Variants in DNAJC13 observed in about 807,000 individuals in gnomAD.
DNAJC13 encodes DnaJ heat shock protein family (Hsp40) member C13.
Under a neutral mutation model 290.5 loss-of-function variants are expected in DNAJC13, and 75 were observed. That is an observed-to-expected ratio of 0.26 (90% CI 0.21 to 0.31). The LOEUF (loss-of-function observed/expected upper bound fraction) is 0.31, where lower values mean the gene tolerates loss of function less well. Among genes scored for constraint, DNAJC13 ranks in the 10% least tolerant of loss-of-function variants. The pLI, the probability that DNAJC13 is intolerant of heterozygous loss-of-function variation, is 1.00. For missense variants in DNAJC13, 2,260 were observed against 2,674.5 expected (o/e 0.85, Z 3.42); for synonymous variants, 862 against 892.0 (o/e 0.97, Z 0.60).
intron 48 of DNAJC13, among the ~76,000 whole-genome samples, chr3:132,519,468 T>C (rs1221415626): frequency 6.6e-6 from 1 of 152,190 alleles, no homozygotes; most frequent in Non-Finnish European, 1.5e-5. Flanking sequence ...ATTTTTATTA[T>C]TGAGTTGTAA....
chr3:132,419,977 C>G (rs567920347), intron 1 of DNAJC13, among the ~76,000 whole-genome samples: 406 of 151,710 alleles, frequency 2.7e-3, no homozygotes, highest in African/African-American at 9.6e-3. Context: ...GCTCTCACTT[C>G]TGCAACAAAA....
chr3:132,453,588 AT>A lies in DNAJC13; in HGVS notation c.745-5del. ...TAACTTCTTAATATGTCTCAATTTT[AT>A]TTTTTGAAGGAGCCTGTTAAAAGAG... On this transcript the variant is annotated splice_polypyrimidine_tract_variant and intron_variant, in intron 7 of 55. Transcript: ENST00000260818. The A allele has an allele frequency of 6.2e-7, 1 of 1,606,922 alleles. No individual in the cohort carries two copies. The highest frequency in any genetic ancestry group is 8.5e-7 in the Non-Finnish European group (1 of 1,178,106).
intron 1 of DNAJC13, among the ~76,000 whole-genome samples, chr3:132,420,363 G>C (rs1251771789): frequency 6.6e-6 from 1 of 152,164 alleles, no homozygotes; most frequent in East Asian, 1.9e-4. Context: ...GGGTATCTCT[G>C]TTGGCCCCAT....
chr3:132,460,629 A>G (rs1334760143), intron 14 of DNAJC13, among the ~76,000 whole-genome samples: 2 of 152,200 alleles, frequency 1.3e-5, no homozygotes, highest in Non-Finnish European at 2.9e-5. Flanking sequence ...TCATTAGGAA[A>G]TAAACTGCTC....
intron 54 of DNAJC13, among the ~76,000 whole-genome samples, chr3:132,530,047 G>A (rs1304855640): frequency 6.6e-6 from 1 of 151,910 alleles, no homozygotes; most frequent in Non-Finnish European, 1.5e-5. Context: ...CTACACCCAA[G>A]GGAGGGGAGG....
At chr3:132,535,182 T>A (rs1936550675) in intron 55 of DNAJC13, among the ~76,000 whole-genome samples, 1 of 152,252 alleles carries the variant, frequency 6.6e-6, no homozygotes, top group African/African-American at 2.4e-5. Context: ...AGGAGTTAAT[T>A]ACTACTTCAA....
chr3:132,463,325 G>A (rs1369203506), intron 16 of DNAJC13, among the ~76,000 whole-genome samples: 1 of 152,254 alleles, frequency 6.6e-6, no homozygotes, highest in Admixed American at 6.5e-5. Flanking sequence ...TCTCCCTTTA[G>A]CTAATGGGTT....
chr3:132,418,629 C>T (rs6769343), intron 1 of DNAJC13, among the ~76,000 whole-genome samples: 31,281 of 152,044 alleles, frequency 0.21, 3,633 homozygotes, highest in African/African-American at 0.31. Context: ...TTCTGATTTC[C>T]CTCAAAAAGG....
intron 6 of DNAJC13, among the ~76,000 whole-genome samples, chr3:132,452,429 G>A (rs1351143747): frequency 1.3e-5 from 2 of 152,206 alleles, no homozygotes; most frequent in Admixed American, 1.3e-4. Flanking sequence ...TAAACACGAT[G>A]TGATCCAGTG....
At chr3:132,522,394 G>A (rs937640988) in intron 48 of DNAJC13, among the ~76,000 whole-genome samples, 1 of 152,158 alleles carries the variant, frequency 6.6e-6, no homozygotes, top group African/African-American at 2.4e-5. Flanking sequence ...GAAAATACTT[G>A]TAAGACAGAG....
chr3:132,454,191 G>GT, intron 9 of DNAJC13, 34 bp downstream of exon 9: 1 of 1,473,148 alleles, frequency 6.8e-7, no homozygotes, highest in Non-Finnish European at 9.3e-7. Context: ...TGAAATCCTA[G>GT]TTGTGCAAGG....
At chr3:132,427,696 A>C (rs915041976) in intron 1 of DNAJC13, among the ~76,000 whole-genome samples, 1 of 152,124 alleles carries the variant, frequency 6.6e-6, no homozygotes, top group Non-Finnish European at 1.5e-5. Flanking sequence ...ATTTAGAGAA[A>C]ATCAAGTAAT....
intron 1 of DNAJC13, among the ~76,000 whole-genome samples, chr3:132,429,886 A>T (rs1368146457): frequency 7.2e-5 from 11 of 152,142 alleles, no homozygotes; most frequent in Non-Finnish European, 8.8e-5. Context: ...CTTTTATTGG[A>T]TGCAGAGTAA....
intron 20 of DNAJC13, among the ~76,000 whole-genome samples, chr3:132,468,768 A>G (rs778773044): frequency 1.3e-5 from 2 of 152,182 alleles, no homozygotes; most frequent in Non-Finnish European, 2.9e-5. Flanking sequence ...TGAACAGTTG[A>G]AAAATCTACA....
chr3:132,520,236 T>C (rs1936049448), intron 48 of DNAJC13, among the ~76,000 whole-genome samples: 1 of 152,190 alleles, frequency 6.6e-6, no homozygotes, highest in Non-Finnish European at 1.5e-5. Flanking sequence ...AAAATAGCCA[T>C]GGACAGTAAA....
intron 20 of DNAJC13, among the ~76,000 whole-genome samples, chr3:132,471,385 C>G (rs975643595): frequency 6.8e-6 from 1 of 146,704 alleles, no homozygotes; most frequent in Non-Finnish European, 1.5e-5. Flanking sequence ...GGCTGCCGGG[C>G]GGAGATGCTC....
At chr3:132,479,011 G>C (rs969973009) in intron 24 of DNAJC13, among the ~76,000 whole-genome samples, 8 of 152,092 alleles carry the variant, frequency 5.3e-5, no homozygotes, top group African/African-American at 1.9e-4. Flanking sequence ...TAAAATGTCT[G>C]CCTTTCTAGG....
chr3:132,427,342 G>T (rs1939126413), intron 1 of DNAJC13, among the ~76,000 whole-genome samples: 1 of 151,846 alleles, frequency 6.6e-6, no homozygotes, highest in Non-Finnish European at 1.5e-5. Context: ...TTGCCATGTT[G>T]CCTGGGCTGG....
intron 55 of DNAJC13, among the ~76,000 whole-genome samples, chr3:132,532,912 A>AATTATGATTATTATTATTATTATT (rs1553753685): frequency 9.2e-5 from 13 of 141,828 alleles, no homozygotes; most frequent in Non-Finnish European, 2.0e-4. Context: ...TAATTTTTGT[A>AATTATGATTATTATTATTATTATT]ATTATTATTA....
Sources: gnomAD v4.1 joint callset for allele counts (sites outside exome capture counted in the v4.1 genomes callset) on GRCh38, gnomAD v4.1.1 for gene constraint, MANE v1.5 for transcripts, NCBI Gene and HGNC (gene_info 2026-07-23, HGNC 2026-07-21) for gene names.